Variants in PRDM16 observed in about 807,000 individuals in gnomAD.
PRDM16 encodes the protein histone-lysine N-methyltransferase PRDM16.
In PRDM16, 23 loss-of-function variants were observed where a neutral mutation model predicts 110.6. That is an observed-to-expected ratio of 0.21 (90% CI 0.15 to 0.29). The LOEUF (loss-of-function observed/expected upper bound fraction) is 0.29, where lower values mean the gene tolerates loss of function less well. PRDM16 is among the 10% of genes least tolerant of loss of function. PRDM16 has a pLI of 1.00. For missense variants in PRDM16, 1,615 were observed against 1,794.3 expected (o/e 0.90, Z 1.81); for synonymous variants, 799 against 781.8 (o/e 1.02, Z -0.37).
At chr1:3,299,696 C>G (rs1429002939) in intron 3 of PRDM16, among the ~76,000 whole-genome samples, 4 of 127,674 alleles carry the variant, frequency 3.1e-5, no homozygotes, top group Non-Finnish European at 6.6e-5. Flanking sequence ...CGTGGTGACT[C>G]TGCCCTTGTT....
chr1:3,151,392 C>T (rs527390509), intron 1 of PRDM16, among the ~76,000 whole-genome samples: 2 of 152,238 alleles, frequency 1.3e-5, no homozygotes, highest in Non-Finnish European at 2.9e-5. Context: ...CGCTGCAAGG[C>T]GAGGGACAGG....
At chr1:3,405,102 C>G (rs954381066) in intron 7 of PRDM16, among the ~76,000 whole-genome samples, 6 of 152,114 alleles carry the variant, frequency 3.9e-5, no homozygotes, top group Admixed American at 2.6e-4. Flanking sequence ...GGATCAGGGC[C>G]GAGACCAGAA....
chr1:3,241,163 G>C (rs578186195), intron 2 of PRDM16, among the ~76,000 whole-genome samples: 1 of 152,266 alleles, frequency 6.6e-6, no homozygotes, highest in Admixed American at 6.5e-5. Flanking sequence ...AACTGCCCAG[G>C]CGGGCGGTGA....
chr1:3,410,615 G>C (rs1312519251), intron 8 of PRDM16, among the ~76,000 whole-genome samples: 2 of 152,178 alleles, frequency 1.3e-5, no homozygotes, highest in East Asian at 3.9e-4. Flanking sequence ...TGCCTTCTCC[G>C]GGGTGCAGGC....
At chr1:3,433,556 C>T in intron 16 of PRDM16, 121 bp from the exon 17 acceptor site, 1 of 237,988 alleles carries the variant, frequency 4.2e-6, no homozygotes, top group Non-Finnish European at 7.9e-6. Context: ...TGCCCACGCG[C>T]TCACCTGCCT....
intron 1 of PRDM16, among the ~76,000 whole-genome samples, chr1:3,084,629 C>G (rs1000064331): frequency 2.6e-5 from 4 of 152,196 alleles, no homozygotes; most frequent in Non-Finnish European, 5.9e-5. Flanking sequence ...AGGGAGGCAC[C>G]GTCCATTCTG....
At chr1:3,340,203 G>A (rs1026721818) in intron 3 of PRDM16, among the ~76,000 whole-genome samples, 6 of 152,054 alleles carry the variant, frequency 3.9e-5, no homozygotes, top group African/African-American at 7.2e-5. Context: ...TGTGGTAGCC[G>A]AGTCCTTACC....
At chr1:3,380,641 G>A (rs1384340095) in intron 3 of PRDM16, among the ~76,000 whole-genome samples, 4 of 152,186 alleles carry the variant, frequency 2.6e-5, no homozygotes, top group African/African-American at 4.8e-5. Context: ...GAAACCAGCC[G>A]TGTCCCTGTT....
rs140458646 is a variant in PRDM16 at position 3,146,913 on chromosome 1, TGG to T, written c.38-39206_38-39205del. Among the ~76,000 whole-genome samples the T allele has an allele frequency of 5.3e-3, 256 of 48,416 alleles. 4 individuals carry two copies. Among genetic ancestry groups the T allele is most frequent in the African/African-American group, 0.021 (240 of 11,434 alleles). The allele number at this position is 48,416 out of a possible 152,430, so 31.8% of individuals were successfully genotyped here. A position where few individuals can be genotyped will look rare whatever the true frequency, so the allele number is the denominator to read the frequency against. Reference sequence around the variant, plus strand: ...TGTGTGTGCATGTGTGTGCTCAGTGTGGGGGGGTGTGTGTGCACGTGTGTGCT... The same window carrying T: ...TGTGTGTGCATGTGTGTGCTCAGTGTGGGGGTGTGTGTGCACGTGTGTGCT... On this transcript the variant is annotated intron_variant, in intron 1 of 16. Coordinates refer to ENST00000270722, the MANE Select transcript of PRDM16 (RefSeq NM_022114.4).
chr1:3,117,974 CTGTG>C (rs1229348245), intron 1 of PRDM16, among the ~76,000 whole-genome samples: 1 of 151,888 alleles, frequency 6.6e-6, no homozygotes, highest in Non-Finnish European at 1.5e-5. Context: ...CATGCTCATG[CTGTG>C]TGTGTGTACA....
intron 1 of PRDM16, among the ~76,000 whole-genome samples, chr1:3,070,798 G>T (rs769286315): frequency 6.6e-6 from 1 of 152,212 alleles, no homozygotes; most frequent in Admixed American, 6.5e-5. Flanking sequence ...TGTGCACCAG[G>T]GAAAAGCAGC....
intron 1 of PRDM16, among the ~76,000 whole-genome samples, chr1:3,124,645 C>T (rs879364439): frequency 2.0e-5 from 3 of 152,234 alleles, no homozygotes; most frequent in Non-Finnish European, 2.9e-5. Context: ...GCGGTCCTGC[C>T]AGGCCTTGGA....
intron 4 of PRDM16, among the ~76,000 whole-genome samples, chr1:3,387,395 G>T (rs762266248): frequency 6.6e-6 from 1 of 152,218 alleles, no homozygotes; most frequent in East Asian, 1.9e-4. Flanking sequence ...GAGGGAACTC[G>T]AAATGCACAT....
intron 3 of PRDM16, among the ~76,000 whole-genome samples, chr1:3,281,811 G>A (rs1000604434): frequency 2.6e-5 from 4 of 152,266 alleles, no homozygotes; most frequent in Non-Finnish European, 4.4e-5. Context: ...TGGTCCGATC[G>A]ATGAGTTGCT....
At chr1:3,416,064 A>AC (rs1638248145) in intron 10 of PRDM16, among the ~76,000 whole-genome samples, 1 of 151,780 alleles carries the variant, frequency 6.6e-6, no homozygotes, top group Non-Finnish European at 1.5e-5. Flanking sequence ...GAGAAGCCTG[A>AC]CCCCCACAGC....
chr1:3,365,169 G>A (rs902102180), intron 3 of PRDM16, among the ~76,000 whole-genome samples: 6 of 152,160 alleles, frequency 3.9e-5, no homozygotes, highest in Non-Finnish European at 7.4e-5. Context: ...ATGGCCCCCC[G>A]CCTGGAGCTT....
intron 3 of PRDM16, among the ~76,000 whole-genome samples, chr1:3,276,946 G>A (rs1557575736): frequency 1.3e-5 from 2 of 152,010 alleles, no homozygotes; most frequent in Admixed American, 6.6e-5. Flanking sequence ...TCACGACCCC[G>A]GGCAGCGTCT....
chr1:3,248,700 TA>T (rs35372467), intron 3 of PRDM16, among the ~76,000 whole-genome samples: 1 of 152,228 alleles, frequency 6.6e-6, no homozygotes. Context: ...CTACAGGTCA[TA>T]AAAGTCGTCT....
rs1639724951 is a variant in PRDM16 at position 3,243,666 on chromosome 1, C to T, written c.388-421C>T. ...AAATACACGTGGTGTGATTCGCCGG[C>T]GGAACTTGGAGGAAACACAAATAGA... On this transcript the variant is annotated intron_variant, in intron 2 of 16. Transcript: ENST00000270722. The surrounding 1 kb of genome is among the most constrained non-coding windows in gnomAD (Gnocchi z 5.5). Among the ~76,000 whole-genome samples the T allele has an allele frequency of 1.3e-5, 2 of 152,226 alleles. No homozygotes were observed. Among genetic ancestry groups the T allele is most frequent in the South Asian group, 2.1e-4 (1 of 4,826 alleles).
Sources: allele counts gnomAD v4.1 joint callset (sites outside exome capture counted in the v4.1 genomes callset), GRCh38; gene constraint gnomAD v4.1.1; non-coding constraint Gnocchi (gnomAD v3.1); transcripts MANE v1.5; gene names NCBI Gene and HGNC (gene_info 2026-07-23, HGNC 2026-07-21).